The following SARS1 variants were observed in gnomAD, a reference collection of about 807,000 sequenced individuals.
SARS1 encodes the protein serine--tRNA ligase, cytoplasmic.
Under a neutral mutation model 63.7 loss-of-function variants are expected in SARS1, and 25 were observed. That is an observed-to-expected ratio of 0.39 (90% CI 0.29 to 0.55). SARS1 has a LOEUF of 0.55. Ranked by LOEUF, SARS1 falls within the 20% of genes least tolerant of loss-of-function variation. The pLI is 0.62. For missense variants in SARS1, 417 were observed against 649.7 expected, an observed-to-expected ratio of 0.64 and a Z score of 3.89; for synonymous variants, 231 against 243.5, an observed-to-expected ratio of 0.95 and a Z score of 0.48.
At chr1:109,230,625 G>A (rs967549697) in intron 4 of SARS1, among the ~76,000 whole-genome samples, 4 of 152,194 alleles carry the variant, frequency 2.6e-5, no homozygotes, top group African/African-American at 9.6e-5. Context: ...TAGGTAAAAT[G>A]GCAAAACCCT....
chr1:109,230,145 A>C (rs573492081), intron 4 of SARS1, among the ~76,000 whole-genome samples: 2 of 152,028 alleles, frequency 1.3e-5, no homozygotes, highest in South Asian at 2.1e-4. Flanking sequence ...GTCCGCCCTC[A>C]TGTGGCCCTG....
At chr1:109,219,518 CT>C (rs1248321342) in intron 1 of SARS1, among the ~76,000 whole-genome samples, 139 of 142,520 alleles carry the variant, frequency 9.8e-4, no homozygotes, top group Admixed American at 1.1e-3. Flanking sequence ...TGGCTTCTTT[CT>C]TTTTTTTTTT....
intron 6 of SARS1, among the ~76,000 whole-genome samples, chr1:109,232,764 T>G (rs912772918): frequency 2.0e-5 from 3 of 152,206 alleles, no homozygotes; most frequent in African/African-American, 7.2e-5. Flanking sequence ...TTTTCTTTCT[T>G]TTTCTAATTT....
At position 109,236,271 on chromosome 1, in the gene SARS1, C is replaced by T. The variant is rs529259836; in HGVS notation, c.1100-120C>T. ...TGGGAGTATTTGGTGTTAAGAATAT[C>T]TGGGTGTGATTTCACCTCTGGAGAC... is the stretch of plus-strand genomic sequence containing the variant. On this transcript the variant is annotated intron_variant, in intron 8 of 10. Coordinates refer to ENST00000234677, the MANE Select transcript of SARS1 (RefSeq NM_006513.4). 2.8e-5 allele frequency: 36 copies of T among 1,301,488 alleles called. 1 individual carries two copies. The East Asian group carries it at 6.5e-4, about 23-fold the overall frequency. The allele number at this position is 1,301,488 out of a possible 1,614,324, so 80.6% of individuals were successfully genotyped here.
chr1:109,236,366 G>T, intron 8 of SARS1, 25 bp from the exon 9 acceptor site: 1 of 1,575,184 alleles, frequency 6.3e-7, no homozygotes, highest in South Asian at 1.1e-5. Flanking sequence ...CCTCCTTCAT[G>T]AATTCTAGGG....
intron 3 of SARS1, 58 bp from the exon 4 acceptor site, chr1:109,229,356 T>G: frequency 6.4e-7 from 1 of 1,567,562 alleles, no homozygotes; most frequent in Admixed American, 1.8e-5. Context: ...CCGAATCATA[T>G]TCCTGTGCTG....
chr1:109,214,450 TG>T lies in SARS1; in HGVS notation c.136+326del. 1 of 893,470 alleles carries T rather than the reference TG, an allele frequency of 1.1e-6. No individual in the cohort carries two copies. Among genetic ancestry groups the T allele is most frequent in the Non-Finnish European group, 1.4e-6 (1 of 702,518 alleles). The allele number at this position is 893,470 out of a possible 1,614,324, so 55.3% of individuals were successfully genotyped here. On this transcript the variant is annotated intron_variant, in intron 1 of 10. Coordinates refer to ENST00000234677, the MANE Select transcript of SARS1 (RefSeq NM_006513.4). This position sits in a 1 kb window ranked among gnomAD's most constrained non-coding sequence, Gnocchi z 4.6. ...CAGAACATGCCGGGGCGGGAGGTTG[TG>T]GGGTCTACGCGGCTTTCCTAACACG...
chr1:109,219,303 GTA>G (rs1281760276), intron 1 of SARS1, among the ~76,000 whole-genome samples: 4 of 66,006 alleles, frequency 6.1e-5, no homozygotes, highest in Non-Finnish European at 1.0e-4. Flanking sequence ...TACATATACA[GTA>G]TATATATACA....
intron 6 of SARS1, among the ~76,000 whole-genome samples, chr1:109,232,906 G>T (rs1655236476): frequency 6.6e-6 from 1 of 152,140 alleles, no homozygotes; most frequent in Non-Finnish European, 1.5e-5. Context: ...TGCAATCTCC[G>T]TCTCTTATCC....
chr1:109,231,076 T>C, intron 5 of SARS1, 55 bp downstream of exon 5: 1 of 966,336 alleles, frequency 1.0e-6, no homozygotes, highest in Non-Finnish European at 1.3e-6. Context: ...AAAATATATA[T>C]ATATATATTT....
chr1:109,227,156 G>A (rs576481615), intron 2 of SARS1, among the ~76,000 whole-genome samples: 3 of 151,710 alleles, frequency 2.0e-5, no homozygotes, highest in East Asian at 2.0e-4. Context: ...TACCGCGCCT[G>A]CCTAATTTTT....
intron 3 of SARS1, 151 bp downstream of exon 3, chr1:109,228,583 T>C (rs539199538): frequency 1.4e-4 from 86 of 601,636 alleles, no homozygotes; most frequent in African/African-American, 1.3e-3. Flanking sequence ...TCTTGTTATA[T>C]TCTATATTTG....
chr1:109,226,852 T>A (rs902907682), intron 2 of SARS1, among the ~76,000 whole-genome samples: 8 of 150,824 alleles, frequency 5.3e-5, no homozygotes, highest in Non-Finnish European at 2.9e-5. Flanking sequence ...ACCATGTAGC[T>A]GGGATTACAG....
chr1:109,221,960 T>TTTTGTGTGTG (rs771565091), intron 1 of SARS1, among the ~76,000 whole-genome samples: 9 of 10,072 alleles, frequency 8.9e-4, no homozygotes, highest in Middle Eastern at 0.017. Flanking sequence ...GCTAATTTTT[T>TTTTGTGTGTG]TGTGTGTGTG....
chr1:109,237,915 C>T lies in SARS1; in HGVS notation c.*27C>T, dbSNP rs1045704691. ...CATTCCTGCCTCCCTATTTGCCAGGCTTTCATTTCTGTCTGCTGAGATCTC... is the reference window on the plus strand; with the variant it reads ...CATTCCTGCCTCCCTATTTGCCAGGTTTTCATTTCTGTCTGCTGAGATCTC... On this transcript the variant is annotated 3_prime_UTR_variant, in exon 11 of 11. Transcript: ENST00000234677. The surrounding 1 kb of genome is among the most constrained non-coding windows in gnomAD (Gnocchi z 4.1). 1.2e-6 allele frequency: 2 copies of T among 1,611,828 alleles called. No homozygotes were observed.
rs760816035 is a variant in SARS1 at position 109,235,478 on chromosome 1, G to C, written c.969+47G>C. The stretch of plus-strand genomic sequence containing the variant: ...AGGAGTGGAACTTTCTCTGTCTCCA[G>C]AATGGTTAGATGAGAGATAGGATCT... On this transcript the variant is annotated intron_variant, in intron 7 of 10. Coordinates refer to ENST00000234677, the MANE Select transcript of SARS1 (RefSeq NM_006513.4). The surrounding 1 kb of genome is among the most constrained non-coding windows in gnomAD (Gnocchi z 4.7). 89 of 1,469,202 alleles carry C rather than the reference G, an allele frequency of 6.1e-5. No individual in the cohort carries two copies. The highest frequency in any genetic ancestry group is 8.1e-5 in the Non-Finnish European group (86 of 1,064,596). The allele number at this position is 1,469,202 out of a possible 1,614,324, so 91.0% of individuals were successfully genotyped here. A position where few individuals can be genotyped will look rare whatever the true frequency, so the allele number is the denominator to read the frequency against.
chr1:109,236,611 C>A (rs1440913174), intron 9 of SARS1, 63 bp downstream of exon 9: 4 of 1,568,604 alleles, frequency 2.6e-6, no homozygotes, highest in Non-Finnish European at 3.5e-6. Flanking sequence ...CGAATTATTT[C>A]TCAGCCTTTG....
Position 109,237,266 on chromosome 1 carries a change from A to G in SARS1, c.1280A>G (p.Asn427Ser), listed in dbSNP as rs1655332425. Residue 427 changes from asparagine to serine, a missense_variant, in exon 10 of 11, where the codon AAT becomes AGT. By Grantham distance (46) the Asn-to-Ser change is conservative. Transcript: ENST00000234677. The surrounding 1 kb of genome is among the most constrained non-coding windows in gnomAD (Gnocchi z 4.1). ...MDKVEFVHML[N>S]ATMCATTRTI... ...CAGGTGGAGTTTGTCCATATGCTCA[A>G]TGCTACCATGTGCGCCACTACCCGT... The G allele has an allele frequency of 6.2e-7, 1 of 1,613,776 alleles. No individual in the cohort carries two copies. Among genetic ancestry groups the G allele is most frequent in the Admixed American group, 1.7e-5 (1 of 59,912 alleles).
At chr1:109,223,386 A>C (rs1046751440) in intron 1 of SARS1, among the ~76,000 whole-genome samples, 1 of 152,228 alleles carries the variant, frequency 6.6e-6, no homozygotes, top group African/African-American at 2.4e-5. Context: ...CAAGTTTTTC[A>C]GATGTGTTAC....
Sources: allele counts gnomAD v4.1 joint callset (sites outside exome capture counted in the v4.1 genomes callset), GRCh38; gene constraint gnomAD v4.1.1; non-coding constraint Gnocchi (gnomAD v3.1); transcripts MANE v1.5; gene names NCBI Gene and HGNC (gene_info 2026-07-23, HGNC 2026-07-21).